The following STK40 variants were observed in gnomAD, a reference collection of about 807,000 sequenced individuals.
STK40 encodes serine/threonine-protein kinase 40.
A neutral mutation model predicts 47.9 loss-of-function variants in STK40; 13 were observed. That is an observed-to-expected ratio of 0.27 (90% CI 0.18 to 0.43). The LOEUF is 0.43. Among genes scored for constraint, STK40 ranks in the 20% least tolerant of loss-of-function variants. The pLI, the probability that STK40 is intolerant of heterozygous loss-of-function variation, is 1.00. For synonymous variants in STK40, 225 were observed against 243.2 expected, an observed-to-expected ratio of 0.93 and a Z score of 0.69; for missense variants, 460 against 595.1, an observed-to-expected ratio of 0.77 and a Z score of 2.36.
intron 10 of STK40, chr1:36,343,130 G>C: frequency 1.5e-6 from 1 of 658,068 alleles, no homozygotes; most frequent in Non-Finnish European, 2.8e-6. Context: ...GCTCCAGCTC[G>C]GCTGTCTCAC....
chr1:36,355,113 TG>T, intron 5 of STK40, 92 bp downstream of exon 5: 2 of 1,316,556 alleles, frequency 1.5e-6, no homozygotes, highest in South Asian at 1.2e-5. Flanking sequence ...AAAGCACACC[TG>T]GGTGCACAGG....
rs781374833 is a variant in STK40, at chr1:36,355,382, T to C, written c.394A>G (p.Lys132Glu). Residue 132 changes from lysine to glutamate, a missense_variant, in exon 5 of 11, where the codon AAG becomes GAG. By Grantham distance (56) the Lys-to-Glu change is moderately conservative. This residue lies in a region of STK40 where 277 missense variants were observed against 358.7 expected (regional missense o/e 0.77). Transcript: ENST00000373132. The part of the protein sequence containing the change: ...EDTESSRMVK[K>E]MKKRICLVLD... ...ACGAGGCAGATGCGCTTCTTCATCT[T>C]CTTAACCATCCGGCTGGATTCTGTG... The C allele has an allele frequency of 3.1e-6, 5 of 1,614,046 alleles. No individual in the cohort carries two copies. In the African/African-American group the frequency reaches 5.3e-5, roughly 17 times the overall value.
intron 2 of STK40, 98 bp from the exon 3 acceptor site, chr1:36,358,920 G>A: frequency 1.5e-6 from 2 of 1,359,954 alleles, no homozygotes; most frequent in Non-Finnish European, 2.1e-6. Context: ...TATTCAGGAG[G>A]GCACCATAGC....
chr1:36,366,698 G>A (rs915092620), intron 1 of STK40, among the ~76,000 whole-genome samples: 2 of 152,114 alleles, frequency 1.3e-5, no homozygotes, highest in African/African-American at 4.8e-5. Context: ...AGGAAGACTG[G>A]GAGCCCAGGT....
chr1:36,352,028 C>T (rs1427198406), intron 6 of STK40, among the ~76,000 whole-genome samples: 1 of 152,236 alleles, frequency 6.6e-6, no homozygotes, highest in East Asian at 1.9e-4. Flanking sequence ...TGGCCCAAGG[C>T]CCCAGAGAGG....
intron 10 of STK40, chr1:36,342,325 G>A: frequency 3.2e-6 from 1 of 317,012 alleles, no homozygotes; most frequent in Non-Finnish European, 6.1e-6. Context: ...CACGTCAAGA[G>A]GTACGAGCAA....
intron 6 of STK40, 150 bp from the exon 7 acceptor site, chr1:36,348,965 C>T: frequency 1.4e-6 from 1 of 693,734 alleles, no homozygotes; most frequent in Non-Finnish European, 2.5e-6. Flanking sequence ...TGCCCCGACC[C>T]CCTCTCCAGG....
At chr1:36,385,552 G>A (rs1009995812) in intron 1 of STK40, among the ~76,000 whole-genome samples, 171 bp downstream of exon 1, 4 of 152,154 alleles carry the variant, frequency 2.6e-5, no homozygotes, top group African/African-American at 9.7e-5. Flanking sequence ...CGCCCCTGCC[G>A]CCGGGGAAGG....
chr1:36,342,318 G>C (rs569666964), intron 10 of STK40: 1 of 330,276 alleles, frequency 3.0e-6, no homozygotes, highest in Admixed American at 4.5e-5. Flanking sequence ...GCTAATGCAC[G>C]TCAAGAGGTA....
chr1:36,376,124 G>C (rs1220279664), intron 1 of STK40, among the ~76,000 whole-genome samples: 8 of 152,194 alleles, frequency 5.3e-5, no homozygotes. Context: ...GGGGCAACAG[G>C]CTGCCTGGTA....
chr1:36,373,418 A>AGTCT (rs1200358137), intron 1 of STK40, among the ~76,000 whole-genome samples: 2 of 152,114 alleles, frequency 1.3e-5, no homozygotes, highest in African/African-American at 4.8e-5. Context: ...CCCTTCTATT[A>AGTCT]TTGAAAAAGC....
At chr1:36,357,482 C>T (rs1296483965) in intron 4 of STK40, among the ~76,000 whole-genome samples, 5 of 152,194 alleles carry the variant, frequency 3.3e-5, no homozygotes, top group African/African-American at 1.2e-4. Flanking sequence ...TCAGTGCTGC[C>T]CCAAGAATGG....
intron 1 of STK40, among the ~76,000 whole-genome samples, chr1:36,366,490 C>G (rs1646903149): frequency 6.6e-6 from 1 of 152,178 alleles, no homozygotes; most frequent in South Asian, 2.1e-4. Flanking sequence ...CTGCTGCAGG[C>G]TTACTAGTAG....
rs769653507 is a variant in STK40 at position 36,358,239 on chromosome 1, C to T, written c.342G>A (p.Gln114=). ...AAGGGTGAGGGGGAAGGCCGCTCAC[C>T]TGGAAGAGGCCGTGGTGGTGCACCA... ...DGVVHHHGLF[Q]DRTCEIVEDT... The change falls in exon 4 of 11, where the codon CAG becomes CAA. Residue 114 remains glutamine (Q), a splice_region_variant and synonymous_variant. Transcript: ENST00000373132. 1 of 1,582,552 alleles carries T rather than the reference C, an allele frequency of 6.3e-7. No individual in the cohort carries two copies. Among genetic ancestry groups the T allele is most frequent in the Non-Finnish European group, 8.7e-7 (1 of 1,155,350 alleles).
intron 9 of STK40, 144 bp downstream of exon 9, chr1:36,343,716 T>C: frequency 7.2e-7 from 1 of 1,383,594 alleles, no homozygotes. Flanking sequence ...GCCTATGCCC[T>C]CCCAATCTTG....
chr1:36,355,141 C>T, intron 5 of STK40, 65 bp downstream of exon 5: 1 of 1,541,176 alleles, frequency 6.5e-7, no homozygotes, highest in South Asian at 1.1e-5. Context: ...CTGCCTTCTG[C>T]TCAGCAGCAG....
intron 1 of STK40, among the ~76,000 whole-genome samples, chr1:36,370,935 G>A (rs978277529): frequency 6.6e-6 from 1 of 150,958 alleles, no homozygotes; most frequent in Non-Finnish European, 1.5e-5. Flanking sequence ...GGAGTGCAGT[G>A]GCAAGATGTC....
chr1:36,383,250 A>G (rs1307299521), intron 1 of STK40, among the ~76,000 whole-genome samples: 16 of 152,174 alleles, frequency 1.1e-4, no homozygotes, highest in Admixed American at 1.0e-3. Context: ...GGCCTCAAAT[A>G]ACCTCTTAAC....
At chr1:36,372,423 CAAA>C (rs796595993) in intron 1 of STK40, among the ~76,000 whole-genome samples, 3,132 of 39,138 alleles carry the variant, frequency 0.08, 60 homozygotes, top group African/African-American at 0.22. Flanking sequence ...GACCTTGTCT[CAAA>C]AAAAAAAAAA....
Sources: allele counts gnomAD v4.1 joint callset (sites outside exome capture counted in the v4.1 genomes callset), GRCh38; gene constraint gnomAD v4.1.1; regional missense constraint gnomAD v4.1.1; transcripts MANE v1.5; gene names NCBI Gene and HGNC (gene_info 2026-07-23, HGNC 2026-07-21).